Variants in BCR observed in about 807,000 individuals in gnomAD.
The protein encoded by BCR is BCR activator of RhoGEF and GTPase, also known as breakpoint cluster region protein.
Under a neutral mutation model 138.6 loss-of-function variants are expected in BCR, and 58 were observed. The ratio of observed to expected loss-of-function variants is 0.42; its 90% CI spans 0.34 to 0.52. The LOEUF (loss-of-function observed/expected upper bound fraction) is 0.52. BCR is among the 20% of genes least tolerant of loss of function. The pLI is 0.06. For missense variants in BCR, 1,599 were observed against 1,727.2 expected (o/e 0.93, Z 1.32); for synonymous variants, 786 against 730.1 (o/e 1.08, Z -1.23).
At chr22:23,315,007 T>A (rs1438534817) in intron 22 of BCR, among the ~76,000 whole-genome samples, 22 of 152,260 alleles carry the variant, frequency 1.4e-4, no homozygotes, top group South Asian at 2.1e-4. Context: ...GGATAACCAA[T>A]CCCAGGTGTT....
At position 23,263,248 on chromosome 22, in the gene BCR, G is replaced by C. The variant is rs2073392320; in HGVS notation, c.1752+1708G>C. 3 of 1,057,000 alleles carry C rather than the reference G, an allele frequency of 2.8e-6. No homozygotes were observed. In the South Asian group the frequency reaches 4.3e-5, roughly 15 times the overall value. 65.5% of individuals were successfully genotyped at this position (1,057,000 alleles called of 1,614,324 possible). A position where few individuals can be genotyped will look rare whatever the true frequency, so the allele number is the denominator to read the frequency against. ...CCGGAAGTGCTGCTGCTGCACATGT[G>C]CTCCTACCTCGACATGCGGGCCCTC... is the stretch of plus-strand genomic sequence containing the variant. On this transcript the variant is annotated intron_variant, in intron 4 of 22. Coordinates refer to ENST00000305877, the MANE Select transcript of BCR (RefSeq NM_004327.4).
At chr22:23,254,197 G>A (rs985293272) in intron 2 of BCR, among the ~76,000 whole-genome samples, 5 of 152,094 alleles carry the variant, frequency 3.3e-5, no homozygotes, top group South Asian at 2.1e-4. Context: ...TGAACTGAGC[G>A]TGGAGGAGGC....
At chr22:23,219,885 C>T (rs994162613) in intron 1 of BCR, among the ~76,000 whole-genome samples, 13 of 140,502 alleles carry the variant, frequency 9.3e-5, no homozygotes, top group African/African-American at 3.3e-4. Context: ...CGCTCTCAGC[C>T]GCTCCTTCAT....
intron 8 of BCR, among the ~76,000 whole-genome samples, chr22:23,281,646 C>T (rs77611374): frequency 0.035 from 5,117 of 147,938 alleles, 131 homozygotes; most frequent in African/African-American, 0.059. Context: ...CTGTGGCTTT[C>T]GGGCTTCTCT....
Position 23,313,898 on chromosome 22 carries a change from C to G in BCR, c.3458-70C>G, listed in dbSNP as rs144366052. The G allele has an allele frequency of 6.2e-4, 767 of 1,242,606 alleles. 6 individuals carry two copies. In the African/African-American group the frequency reaches 0.01, roughly 16 times the overall value. The allele number at this position is 1,242,606 out of a possible 1,614,324, so 77.0% of individuals were successfully genotyped here. ...TGCAGGGACACAAGCCCCAGGTGCTCCATGTGAACACCTCGGGAGAGGTCT... is the reference window on the plus strand; with the variant it reads ...TGCAGGGACACAAGCCCCAGGTGCTGCATGTGAACACCTCGGGAGAGGTCT... On this transcript the variant is annotated intron_variant, in intron 20 of 22. Coordinates refer to ENST00000305877, the MANE Select transcript of BCR (RefSeq NM_004327.4).
Position 23,209,664 on chromosome 22 carries a change from C to CT in BCR, c.1279+27426dup, listed in dbSNP as rs567863674. On this transcript the variant is annotated intron_variant, in intron 1 of 22. Coordinates refer to ENST00000305877, the MANE Select transcript of BCR (RefSeq NM_004327.4). Reference sequence around the variant, plus strand: ...CGGGTTCACACCATTCTGCCTCAGCCTCCCAAGTAGCTGGGACTACAGGCA... The same window carrying CT: ...CGGGTTCACACCATTCTGCCTCAGCCTTCCCAAGTAGCTGGGACTACAGGCA... 1.1e-4 allele frequency among the ~76,000 whole-genome samples: 17 copies of CT among 152,250 alleles called. 1 individual carries two copies. The East Asian group carries it at 2.1e-3, about 19-fold the overall frequency.
chr22:23,229,892 C>A (rs144977866), intron 1 of BCR, among the ~76,000 whole-genome samples: 6 of 152,186 alleles, frequency 3.9e-5, no homozygotes, highest in African/African-American at 1.4e-4. Context: ...AAAGAGTCCA[C>A]GGGTCTCCAC....
Position 23,301,961 on chromosome 22 carries a change from T to G in BCR, c.3012+6806T>G, listed in dbSNP as rs113596408. ...GACTTCAATTTGTGCTGTCAGTGGC[T>G]CTTTTCTGGACTGTGGGCACCACCA... is the stretch of plus-strand genomic sequence containing the variant. On this transcript the variant is annotated intron_variant, in intron 16 of 22. Transcript: ENST00000305877. Among the ~76,000 whole-genome samples, 43 of 152,308 alleles carry G rather than the reference T, an allele frequency of 2.8e-4. 1 individual carries two copies. Among genetic ancestry groups the G allele is most frequent in the African/African-American group, 1.0e-3 (42 of 41,570 alleles).
At chr22:23,295,345 A>AC (rs1310910514) in intron 16 of BCR, among the ~76,000 whole-genome samples, 190 bp downstream of exon 16, 4 of 152,004 alleles carry the variant, frequency 2.6e-5, no homozygotes, top group Non-Finnish European at 5.9e-5. Context: ...TTGACGTACC[A>AC]CCCTCTGTCT....
chr22:23,269,759 G>A (rs2073488193), intron 5 of BCR, among the ~76,000 whole-genome samples: 1 of 152,222 alleles, frequency 6.6e-6, no homozygotes, highest in Non-Finnish European at 1.5e-5. Context: ...CTCCCCCACA[G>A]CTGGAATGGT....
intron 16 of BCR, among the ~76,000 whole-genome samples, chr22:23,307,018 A>G (rs1418833804): frequency 2.6e-5 from 4 of 152,124 alleles, no homozygotes; most frequent in African/African-American, 9.7e-5. Context: ...TTTCAAGGGG[A>G]GAGGGGCCCA....
chr22:23,295,148 A>G lies in BCR; in HGVS notation c.3005A>G (p.Gln1002Arg). 6.2e-7 allele frequency: 1 copy of G among 1,604,972 alleles called. No homozygotes were observed. Among genetic ancestry groups the G allele is most frequent in the Non-Finnish European group, 8.5e-7 (1 of 1,173,996 alleles). The change falls in exon 16 of 23, where the codon CAG (glutamine) becomes CGG (arginine). Residue 1002 changes from glutamine to arginine, a missense_variant. This residue lies in a region of BCR where 590 missense variants were observed against 762.4 expected (regional missense o/e 0.77). Coordinates refer to ENST00000305877, the MANE Select transcript of BCR (RefSeq NM_004327.4). ...ESTDRLMGKG[Q>R]VQLDPQALQD... ...ACGGACAGACTCATGGGGAAGGGCC[A>G]GGTCCAGGTGAGGCAGCCATCCCTA...
In BCR at chr22:23,253,801, G is replaced by A. The variant is rs1218462347; in HGVS notation, c.1282G>A (p.Gly428Ser). 4 of 1,610,462 alleles carry A rather than the reference G, an allele frequency of 2.5e-6. No homozygotes were observed. Among genetic ancestry groups the A allele is most frequent in the Admixed American group, 1.7e-5 (1 of 59,868 alleles). ...AGGATGCTTCTTTGCACACACAGAT[G>A]GCTCGTTCGGAACACCACCTGGATA... ...GEGAFHGDAD[G>S]SFGTPPGYGC... Residue 428 changes from glycine to serine, a missense_variant and splice_region_variant, in exon 2 of 23, where the codon GGC (glycine) becomes AGC (serine). Transcript: ENST00000305877.
intron 13 of BCR, 56 bp from the exon 14 acceptor site, chr22:23,290,283 C>A: frequency 6.5e-7 from 1 of 1,543,452 alleles, no homozygotes; most frequent in South Asian, 1.1e-5. Context: ...GTTAGCTTGT[C>A]ACCTGCCTCC....
rs1476119995 is a variant in BCR, at chr22:23,317,380, T to C, written c.*1858T>C. On this transcript the variant is annotated 3_prime_UTR_variant, in exon 23 of 23. Transcript: ENST00000305877. ...AACAGGAGCCTCTGCTCTCTGTACC[T>C]ATCTGGGCCCGGTGGGCTCCCTTGT... The C allele has an allele frequency of 5.4e-6, 1 of 185,106 alleles. No homozygotes were observed. The highest frequency in any genetic ancestry group is 1.1e-5 in the Non-Finnish European group (1 of 95,196). 11.5% of individuals were successfully genotyped at this position (185,106 alleles called of 1,614,324 possible). A position where few individuals can be genotyped will look rare whatever the true frequency, so the allele number is the denominator to read the frequency against.
At chr22:23,188,391 G>A (rs186138480) in intron 1 of BCR, among the ~76,000 whole-genome samples, 1 of 152,310 alleles carries the variant, frequency 6.6e-6, no homozygotes, top group East Asian at 1.9e-4. Flanking sequence ...TTAGTTTGTT[G>A]CTTCTAGCTT....
intron 1 of BCR, among the ~76,000 whole-genome samples, chr22:23,204,114 C>G (rs538378646): frequency 1.3e-5 from 2 of 152,310 alleles, no homozygotes; most frequent in Admixed American, 1.3e-4. Flanking sequence ...ATGGCCCCTT[C>G]TTCAGCACTG....
intron 8 of BCR, among the ~76,000 whole-genome samples, chr22:23,276,573 C>G (rs867313633): frequency 6.6e-6 from 1 of 152,168 alleles, no homozygotes; most frequent in Non-Finnish European, 1.5e-5. Context: ...GAAAAGTCAC[C>G]GTGAGTCTGA....
At chr22:23,281,647 G>A (rs988487170) in intron 8 of BCR, among the ~76,000 whole-genome samples, 3 of 151,918 alleles carry the variant, frequency 2.0e-5, no homozygotes, top group East Asian at 1.9e-4. Flanking sequence ...TGTGGCTTTC[G>A]GGCTTCTCTC....
Sources: allele counts gnomAD v4.1 joint callset (sites outside exome capture counted in the v4.1 genomes callset), GRCh38; gene constraint gnomAD v4.1.1; regional missense constraint gnomAD v4.1.1; transcripts MANE v1.5; gene names NCBI Gene and HGNC (gene_info 2026-07-23, HGNC 2026-07-21).